Variants in USHBP1 observed in about 807,000 individuals in gnomAD.
USHBP1 encodes USH1 protein network component harmonin binding protein 1.
A neutral mutation model predicts 76.2 loss-of-function variants in USHBP1; 67 were observed. That is an observed-to-expected ratio of 0.88 (90% confidence interval 0.72 to 1.08). USHBP1 has a LOEUF of 1.08. Ranked by LOEUF, USHBP1 falls within the 50% of genes least tolerant of loss-of-function variation. USHBP1 has a pLI of 0.00. For synonymous variants in USHBP1, 322 were observed against 362.2 expected (o/e 0.89, Z 1.26); for missense variants, 931 against 915.0 (o/e 1.02, Z -0.23).
At chr19:17,257,642 CAAAA>C (rs778148447) in intron 8 of USHBP1, among the ~76,000 whole-genome samples, 10 of 39,574 alleles carry the variant, frequency 2.5e-4, no homozygotes, top group Non-Finnish European at 4.5e-4. Context: ...AACTCTGTCT[CAAAA>C]AAAAAAAAAA....
chr19:17,256,720 G>T lies in USHBP1; in HGVS notation c.1221C>A (p.Ser407Arg). 6.2e-7 allele frequency: 1 copy of T among 1,614,108 alleles called. No individual in the cohort carries two copies. Among genetic ancestry groups the T allele is most frequent in the Non-Finnish European group, 8.5e-7 (1 of 1,180,048 alleles). ...DAGAQQNPQP[S>R]PEGSSVDKPT... ...GCTTATCCACACTGCTGCCTTCAGG[G>T]CTATAGAAAACAGAAAAGGTGCCTA... Residue 407 changes from serine to arginine, a missense_variant and splice_region_variant, in exon 9 of 13, where the codon AGC (serine) becomes AGA (arginine). Physicochemically the swap from Ser to Arg is moderately radical, Grantham distance 110. Transcript: ENST00000252597.
intron 8 of USHBP1, among the ~76,000 whole-genome samples, chr19:17,257,979 T>G (rs1413037023): frequency 3.9e-5 from 6 of 152,162 alleles, no homozygotes; most frequent in East Asian, 3.9e-4. Context: ...GTAGGCATTG[T>G]CATTCATCTT....
At chr19:17,260,819 C>T (rs972533633) in intron 4 of USHBP1, among the ~76,000 whole-genome samples, 17 of 152,292 alleles carry the variant, frequency 1.1e-4, no homozygotes, top group South Asian at 2.1e-4. Flanking sequence ...AACCTGCCTA[C>T]CCTGTAGCTC....
In USHBP1 at chr19:17,255,425, C is replaced by T. The variant is rs1363059541; in HGVS notation, c.1652G>A (p.Ser551Asn). Residue 551 changes from serine (S) to asparagine (N), a missense_variant, in exon 10 of 13, where the codon AGC (serine) becomes AAC (asparagine). Ser to Asn is a conservative substitution (Grantham distance 46). Transcript: ENST00000252597. ...CTCGTCCCCGCTGCTGCCACCTCCG[C>T]TGCTATGTCCGCCACTGCTGTTTGC... Reference protein sequence around the residue: ...GGANSSGGHSSGGGSSGDEEE... With the variant: ...GGANSSGGHSNGGGSSGDEEE... 1 of 1,614,196 alleles carries T rather than the reference C, an allele frequency of 6.2e-7. No individual in the cohort carries two copies. The highest frequency in any genetic ancestry group is 1.3e-5 in the African/African-American group (1 of 75,068).
At position 17,255,513 on chromosome 19, in the gene USHBP1, G is replaced by C. The variant is rs1441369464; in HGVS notation, c.1564C>G (p.Pro522Ala). 2 of 1,613,908 alleles carry C rather than the reference G, an allele frequency of 1.2e-6. No individual in the cohort carries two copies. Among genetic ancestry groups the C allele is most frequent in the South Asian group, 2.2e-5 (2 of 91,070 alleles). The change falls in exon 10 of 13, where the codon CCA (proline) becomes GCA (alanine). Residue 522 changes from proline to alanine, a missense_variant. Transcript: ENST00000252597. ...LREAALRALG[P>A]AHVLLLEQLR... is the part of the protein sequence containing the mutation. Reference sequence around the variant, plus strand: ...TGCTCCAGCAGGAGCACGTGAGCTGGACCCAGGGCTCGGAGGGCAGCCTCC... The same window carrying C: ...TGCTCCAGCAGGAGCACGTGAGCTGCACCCAGGGCTCGGAGGGCAGCCTCC...
rs756744734 is a variant in USHBP1 at position 17,258,217 on chromosome 19, C to G, written c.1215G>C (p.Gln405His). Residue 405 changes from glutamine to histidine, a missense_variant, in exon 8 of 13, where the codon CAG becomes CAC. Gln to His is a conservative substitution (Grantham distance 24). Coordinates refer to ENST00000252597, the MANE Select transcript of USHBP1 (RefSeq NM_031941.4). ...CCAGGGTTCCAGGGGGGTACCTTGG[C>G]TGTGGATTCTGCTGTGCTCCTGCAT... Reference protein sequence around the residue: ...AMDAGAQQNPQPSPEGSSVDK... With the variant: ...AMDAGAQQNPHPSPEGSSVDK... The G allele has an allele frequency of 6.2e-7, 1 of 1,613,742 alleles. No homozygotes were observed. The highest frequency in any genetic ancestry group is 1.1e-5 in the South Asian group (1 of 91,066).
intron 12 of USHBP1, among the ~76,000 whole-genome samples, chr19:17,250,708 G>A (rs941162071): frequency 2.0e-5 from 3 of 151,730 alleles, no homozygotes; most frequent in Admixed American, 1.3e-4. Flanking sequence ...CCACCACCAC[G>A]CCCAGCTAAT....
rs1179530315 is a variant in USHBP1, at chr19:17,258,350, G to A, written c.1082C>T (p.Ala361Val). The A allele has an allele frequency of 1.9e-6, 3 of 1,613,938 alleles. No individual in the cohort carries two copies. Among genetic ancestry groups the A allele is most frequent in the Non-Finnish European group, 1.7e-6 (2 of 1,180,026 alleles). Residue 361 changes from alanine to valine, a missense_variant, in exon 8 of 13, where the codon GCT becomes GTT. Ala to Val is a moderately conservative substitution (Grantham distance 64). Transcript: ENST00000252597. ...HCEEAYRVLLALREADSGAGD... is the reference protein window; with the variant it reads ...HCEEAYRVLLVLREADSGAGD... ...TGCTCCTGAGTCGGCCTCCCGCAGA[G>A]CAAGCAGAACCCTGTATGCCTCTTC...
chr19:17,255,274 A>G, intron 10 of USHBP1, 111 bp downstream of exon 10: 6 of 1,245,996 alleles, frequency 4.8e-6, no homozygotes, highest in Non-Finnish European at 6.6e-6. Context: ...CCTGGGCAAC[A>G]AGAGCCAAAC....
chr19:17,259,511 C>T (rs1163254726), intron 6 of USHBP1, 82 bp from the exon 7 acceptor site: 5 of 1,607,122 alleles, frequency 3.1e-6, no homozygotes, highest in Non-Finnish European at 2.5e-6. Context: ...TCCCTCCCTC[C>T]TGTTGCAGCT....
At chr19:17,260,820 C>G (rs2073677987) in intron 4 of USHBP1, among the ~76,000 whole-genome samples, 1 of 152,144 alleles carries the variant, frequency 6.6e-6, no homozygotes, top group South Asian at 2.1e-4. Context: ...ACCTGCCTAC[C>G]CTGTAGCTCC....
intron 9 of USHBP1, 81 bp from the exon 10 acceptor site, chr19:17,255,687 T>G: frequency 7.1e-7 from 1 of 1,414,988 alleles, no homozygotes; most frequent in Non-Finnish European, 9.5e-7. Context: ...AGGCACCCAC[T>G]GAGGACTATT....
At chr19:17,263,876 A>C in intron 3 of USHBP1, 126 bp downstream of exon 3, 1 of 1,302,372 alleles carries the variant, frequency 7.7e-7, no homozygotes, top group Non-Finnish European at 1.0e-6. Context: ...AAAAAAAAAG[A>C]AAGTCAGGCT....
Position 17,259,443 on chromosome 19 carries a change from T to C in USHBP1, c.906-14A>G, listed in dbSNP as rs1209400325. The C allele has an allele frequency of 6.2e-7, 1 of 1,613,794 alleles. No individual in the cohort carries two copies. Among genetic ancestry groups the C allele is most frequent in the Non-Finnish European group, 8.5e-7 (1 of 1,179,944 alleles). On this transcript the variant is annotated splice_polypyrimidine_tract_variant and intron_variant, in intron 6 of 12. Coordinates refer to ENST00000252597, the MANE Select transcript of USHBP1 (RefSeq NM_031941.4). The stretch of plus-strand genomic sequence containing the variant: ...TTCTCAATGCTCCTGTTCCCGAAGG[T>C]GGGGAAGAGGGAAAGTCAGAGGCCT...
At chr19:17,257,183 G>A (rs1357148784) in intron 8 of USHBP1, among the ~76,000 whole-genome samples, 3 of 144,100 alleles carry the variant, frequency 2.1e-5, no homozygotes, top group Non-Finnish European at 4.6e-5. Context: ...ACCACGCCCG[G>A]CTAATTTTTT....
At chr19:17,250,832 G>A (rs2073541616) in intron 12 of USHBP1, among the ~76,000 whole-genome samples, 1 of 151,980 alleles carries the variant, frequency 6.6e-6, no homozygotes, top group African/African-American at 2.4e-5. Flanking sequence ...GGGATTACAG[G>A]CGTGAGCCAC....
chr19:17,260,200 G>A (rs1316621818), intron 4 of USHBP1, among the ~76,000 whole-genome samples, 178 bp from the exon 5 acceptor site: 1 of 152,176 alleles, frequency 6.6e-6, no homozygotes, highest in Non-Finnish European at 1.5e-5. Context: ...AGCTGCTGAG[G>A]ATTTTATTTT....
rs1472504595 is a variant in USHBP1, at chr19:17,264,339, C to T, written c.-40G>A. ...CAGTGCCCTCTGAATGCTTCTCCTT[C>T]GTCAACCCCTAAAACCACAGCCTGC... is the stretch of plus-strand genomic sequence containing the variant. On this transcript the variant is annotated 5_prime_UTR_variant, in exon 2 of 13. Transcript: ENST00000252597. 75 of 1,578,458 alleles carry T rather than the reference C, an allele frequency of 4.8e-5. No individual in the cohort carries two copies. Among genetic ancestry groups the T allele is most frequent in the Non-Finnish European group, 5.8e-5 (67 of 1,163,494 alleles).
chr19:17,261,637 A>ATT (rs1472192862), intron 4 of USHBP1, among the ~76,000 whole-genome samples: 91 of 96,272 alleles, frequency 9.5e-4, no homozygotes, highest in African/African-American at 4.2e-3. Flanking sequence ...CAGCATTATT[A>ATT]TTATTTTTTT....
Sources: allele counts gnomAD v4.1 joint callset (sites outside exome capture counted in the v4.1 genomes callset), GRCh38; gene constraint gnomAD v4.1.1; transcripts MANE v1.5; gene names NCBI Gene and HGNC (gene_info 2026-07-23, HGNC 2026-07-21).